SF3A1: variants seen among roughly 807,000 people sequenced by gnomAD.
The protein encoded by SF3A1 is SAP 114.
SF3A1 carries 13 observed loss-of-function variants against 89.9 expected under a neutral mutation model. The observed-to-expected ratio is 0.14, with a 90% CI of 0.09 to 0.23. The LOEUF is 0.23. Ranked by LOEUF, SF3A1 falls within the 10% of genes least tolerant of loss-of-function variation. The probability of loss-of-function intolerance (pLI) is 1.00; values close to 1 mark genes in which losing one functional copy is unlikely to be tolerated. For missense variants in SF3A1, 604 were observed against 1,022.1 expected, an observed-to-expected ratio of 0.59 and a Z score of 5.58; for synonymous variants, 405 against 374.4, an observed-to-expected ratio of 1.08 and a Z score of -0.94.
At chr22:30,344,732 G>A (rs773238546) in intron 4 of SF3A1, among the ~76,000 whole-genome samples, 46 of 152,356 alleles carry the variant, frequency 3.0e-4, no homozygotes, top group Admixed American at 1.5e-3. Flanking sequence ...CTTCTCTTTA[G>A]AAACCGGCAG....
intron 11 of SF3A1, among the ~76,000 whole-genome samples, chr22:30,338,148 G>C (rs963677211): frequency 2.0e-5 from 3 of 152,244 alleles, no homozygotes; most frequent in African/African-American, 4.8e-5. Context: ...GGCAAACACT[G>C]AAAGAGTCAC....
At chr22:30,335,854 T>A (rs1460582718) in intron 13 of SF3A1, 101 bp from the exon 14 acceptor site, 9 of 961,660 alleles carry the variant, frequency 9.4e-6, no homozygotes. Flanking sequence ...CACCTGTGCA[T>A]CTGGGCTCCT....
intron 1 of SF3A1, 82 bp downstream of exon 1, chr22:30,356,648 C>T: frequency 1.8e-6 from 2 of 1,117,586 alleles, no homozygotes; most frequent in Non-Finnish European, 2.4e-6. Flanking sequence ...CCCTTCATAG[C>T]GGCCGGCCGC....
At chr22:30,343,101 T>C (rs908175633) in intron 4 of SF3A1, among the ~76,000 whole-genome samples, 3 of 152,040 alleles carry the variant, frequency 2.0e-5, no homozygotes, top group Admixed American at 2.0e-4. Context: ...GTTGGCACCA[T>C]GAACTTAAAA....
intron 1 of SF3A1, among the ~76,000 whole-genome samples, chr22:30,354,706 A>T (rs1931706846): frequency 6.6e-6 from 1 of 152,134 alleles, no homozygotes; most frequent in African/African-American, 2.4e-5. Context: ...CTACCCAGTC[A>T]CCCATGCCAG....
At position 30,340,218 on chromosome 22, in the gene SF3A1, G is replaced by A. The variant is rs771971246; in HGVS notation, c.1353C>T (p.Ser451=). ...CACCTGGTGCGTACACCTCATCATCGCTCTGCTTCTCACGGATGGAGCGAT... is the reference window on the plus strand; with the variant it reads ...CACCTGGTGCGTACACCTCATCATCACTCTGCTTCTCACGGATGGAGCGAT... The part of the protein sequence containing the change: ...QRDRSIREKQ[S]DDEVYAPGLD... Residue 451 remains serine (S), a synonymous_variant, in exon 9 of 16, where the codon AGC becomes AGT. Coordinates refer to ENST00000215793, the MANE Select transcript of SF3A1 (RefSeq NM_005877.6). 1.0e-5 allele frequency: 16 copies of A among 1,586,322 alleles called. No homozygotes were observed. The highest frequency in any genetic ancestry group is 1.4e-5 in the Non-Finnish European group (16 of 1,167,672).
At chr22:30,341,360 G>A (rs1254719720) in intron 7 of SF3A1, among the ~76,000 whole-genome samples, 2 of 152,212 alleles carry the variant, frequency 1.3e-5, no homozygotes, top group Non-Finnish European at 2.9e-5. Context: ...TGGGAGCTTG[G>A]AGCCCAGCTG....
Position 30,346,478 on chromosome 22 carries a change from A to T in SF3A1, c.227T>A (p.Ile76Asn). Reference sequence around the variant, plus strand: ...CAGAAAGTTGAACTTGGGGTTGTTGATCTCGTTCTGTCGGATCCTAGCTTC... The same window carrying T: ...CAGAAAGTTGAACTTGGGGTTGTTGTTCTCGTTCTGTCGGATCCTAGCTTC... ...EFEARIRQNE[I>N]NNPKFNFLNP... The change falls in exon 3 of 16, where the codon ATC (isoleucine) becomes AAC (asparagine). Residue 76 changes from isoleucine (I) to asparagine (N), a missense_variant. By Grantham distance (149) the Ile-to-Asn change is moderately radical. Around this residue, in one of 9 missense-constraint regions of SF3A1, gnomAD observed 162 missense variants for 229.2 expected, o/e 0.71. Transcript: ENST00000215793. 3.1e-6 allele frequency: 5 copies of T among 1,613,958 alleles called. No homozygotes were observed. Among genetic ancestry groups the T allele is most frequent in the Non-Finnish European group, 3.4e-6 (4 of 1,179,978 alleles).
chr22:30,355,696 C>G (rs1174250962), intron 1 of SF3A1, among the ~76,000 whole-genome samples: 1 of 152,154 alleles, frequency 6.6e-6, no homozygotes, highest in Non-Finnish European at 1.5e-5. Flanking sequence ...TGATTCACCT[C>G]GGTGTCTTTG....
intron 5 of SF3A1, 21 bp from the exon 6 acceptor site, chr22:30,342,371 T>G (rs1931286308): frequency 6.3e-7 from 1 of 1,581,590 alleles, no homozygotes; most frequent in Admixed American, 1.8e-5. Flanking sequence ...GGGAAACAGC[T>G]TGGTGCTACG....
In SF3A1 at chr22:30,356,751, GGGC is replaced by G; in HGVS notation, c.39_41del (p.Pro14del). ...GTACCTGTTTGGGCTCCGTGGGCAC[GGGC>G]GGCGGCGGGGGCACCGCCTGCACGG... On this transcript the variant is annotated inframe_deletion, in exon 1 of 16. Transcript: ENST00000215793. 4.7e-6 allele frequency: 7 copies of G among 1,488,146 alleles called. No individual in the cohort carries two copies. The highest frequency in any genetic ancestry group is 2.9e-5 in the African/African-American group (2 of 69,520). The allele number at this position is 1,488,146 out of a possible 1,614,324, so 92.2% of individuals were successfully genotyped here.
At chr22:30,355,031 CT>C in intron 1 of SF3A1, among the ~76,000 whole-genome samples, 1 of 152,064 alleles carries the variant, frequency 6.6e-6, no homozygotes, top group Non-Finnish European at 1.5e-5. Context: ...AGATTAAGTA[CT>C]CTTTTTTTTT....
Position 30,335,361 on chromosome 22 carries a change from C to A in SF3A1, c.2280+106G>T, listed in dbSNP as rs1300174422. 4.1e-6 allele frequency: 4 copies of A among 976,432 alleles called. No homozygotes were observed. In the South Asian group the frequency reaches 4.2e-5, roughly 10 times the overall value. 60.5% of individuals were successfully genotyped at this position (976,432 alleles called of 1,614,324 possible). On this transcript the variant is annotated intron_variant, in intron 15 of 15. Transcript: ENST00000215793. ...TCTAGGATGGATTCAGATGGCCACACCCAGATATCACTCCACTCCCCTTTT... is the reference window on the plus strand; with the variant it reads ...TCTAGGATGGATTCAGATGGCCACAACCAGATATCACTCCACTCCCCTTTT...
At chr22:30,352,123 C>A (rs1931616714) in intron 2 of SF3A1, among the ~76,000 whole-genome samples, 1 of 150,250 alleles carries the variant, frequency 6.7e-6, no homozygotes, top group African/African-American at 2.5e-5. Context: ...GCGGCTAGCA[C>A]CTGCATGGAA....
intron 1 of SF3A1, among the ~76,000 whole-genome samples, chr22:30,355,128 A>T (rs1174752574): frequency 6.6e-6 from 1 of 151,978 alleles, no homozygotes; most frequent in Non-Finnish European, 1.5e-5. Context: ...AGGTTCAAGC[A>T]ATTCTCTCCC....
Position 30,337,774 on chromosome 22 carries a change from C to T in SF3A1, c.1867G>A (p.Ala623Thr), listed in dbSNP as rs144118422. 1.2e-3 allele frequency: 1,965 copies of T among 1,592,054 alleles called. 5 individuals carry two copies. Among genetic ancestry groups the T allele is most frequent in the Non-Finnish European group, 1.2e-3 (1,379 of 1,171,070 alleles). Residue 623 changes from alanine (A) to threonine (T), a missense_variant, in exon 12 of 16, where the codon GCG becomes ACG. Physicochemically the swap from Ala to Thr is moderately conservative, Grantham distance 58. Transcript: ENST00000215793. Reference protein sequence around the residue: ...VIAPMPPIIHAPRINVVPMPP... With the variant: ...VIAPMPPIIHTPRINVVPMPP... ...ATGGGCACCACGTTGATTCTGGGCG[C>T]GTGGATGATGGGCGGCATGGGGGCG...
At chr22:30,336,140 C>T (rs1931058267) in intron 13 of SF3A1, among the ~76,000 whole-genome samples, 1 of 152,212 alleles carries the variant, frequency 6.6e-6, no homozygotes, top group Non-Finnish European at 1.5e-5. Context: ...GGGTTCATGA[C>T]TGTTTTGAGT....
chr22:30,343,786 T>C (rs1197082881), intron 4 of SF3A1, among the ~76,000 whole-genome samples: 2 of 152,280 alleles, frequency 1.3e-5, no homozygotes, highest in African/African-American at 4.8e-5. Flanking sequence ...GCCTTGGGCC[T>C]TGAATGACTG....
At position 30,333,320 on chromosome 22, in the gene SF3A1, G is replaced by A. The variant is rs1269320735; in HGVS notation, c.*1274C>T. 1 of 152,260 alleles carries A rather than the reference G, an allele frequency of 6.6e-6. No homozygotes were observed. Among genetic ancestry groups the A allele is most frequent in the African/African-American group, 2.4e-5 (1 of 41,454 alleles). The allele number at this position is 152,260 out of a possible 1,614,324, so 9.4% of individuals were successfully genotyped here. A position where few individuals can be genotyped will look rare whatever the true frequency, so the allele number is the denominator to read the frequency against. On this transcript the variant is annotated 3_prime_UTR_variant, in exon 16 of 16. Coordinates refer to ENST00000215793, the MANE Select transcript of SF3A1 (RefSeq NM_005877.6). ...AAATGGTCTCACCCCTCTGAGCCCT[G>A]GAGATGACCTGATGGGGCAGCTAGG...
Sources: allele counts gnomAD v4.1 joint callset (sites outside exome capture counted in the v4.1 genomes callset), GRCh38; gene constraint gnomAD v4.1.1; regional missense constraint gnomAD v4.1.1; transcripts MANE v1.5; gene names NCBI Gene and HGNC (gene_info 2026-07-23, HGNC 2026-07-21).